The following LSAMP variants were observed in gnomAD, a reference collection of about 807,000 sequenced individuals.
LSAMP encodes limbic system associated membrane protein, also known as limbic system-associated membrane protein.
A neutral mutation model predicts 38.6 loss-of-function variants in LSAMP; 7 were observed. The ratio of observed to expected loss-of-function variants is 0.18; its 90% CI spans 0.10 to 0.34. LSAMP has a LOEUF of 0.34. Among genes scored for constraint, LSAMP ranks in the 10% least tolerant of loss-of-function variants. The probability of loss-of-function intolerance (pLI) is 1.00; values close to 1 mark genes in which losing one functional copy is unlikely to be tolerated. For synonymous variants in LSAMP, 154 were observed against 166.8 expected (o/e 0.92, Z 0.59); for missense variants, 313 against 420.0 (o/e 0.75, Z 2.23).
At chr3:116,251,871 T>G (rs1273068033) in intron 1 of LSAMP, among the ~76,000 whole-genome samples, 1 of 152,230 alleles carries the variant, frequency 6.6e-6, no homozygotes, top group Non-Finnish European at 1.5e-5. Context: ...AATTATTTGT[T>G]AAGACTTAAG....
chr3:116,232,699 C>CTTTTTCTTT (rs2046416053), intron 1 of LSAMP, among the ~76,000 whole-genome samples: 1 of 99,448 alleles, frequency 1.0e-5, no homozygotes, highest in Admixed American at 1.3e-4. Flanking sequence ...TTCTTTCTTT[C>CTTTTTCTTT]TTTTTTTTTT....
At chr3:116,391,201 C>T (rs1189476152) in intron 1 of LSAMP, among the ~76,000 whole-genome samples, 1 of 151,950 alleles carries the variant, frequency 6.6e-6, no homozygotes, top group Non-Finnish European at 1.5e-5. Flanking sequence ...ATGTCAGCAG[C>T]GGACCGTCTG....
intron 6 of LSAMP, among the ~76,000 whole-genome samples, chr3:115,827,320 C>T (rs528219161): frequency 9.1e-5 from 13 of 142,460 alleles, no homozygotes; most frequent in East Asian, 4.3e-4. Context: ...GGCCAAGGCA[C>T]GGTTATTTTC....
At chr3:116,172,118 A>G (rs9844188) in intron 1 of LSAMP, among the ~76,000 whole-genome samples, 81,027 of 151,668 alleles carry the variant, frequency 0.53, 23,026 homozygotes, top group East Asian at 0.76. Flanking sequence ...ATAAATTTAT[A>G]TATTTAATAA....
intron 3 of LSAMP, among the ~76,000 whole-genome samples, chr3:115,860,135 G>A (rs1445146381): frequency 6.6e-6 from 1 of 152,244 alleles, no homozygotes; most frequent in Non-Finnish European, 1.5e-5. Flanking sequence ...TAGAGTGAGT[G>A]TTGTATGAGC....
At chr3:116,172,753 A>G (rs74693555) in intron 1 of LSAMP, among the ~76,000 whole-genome samples, 5 of 152,132 alleles carry the variant, frequency 3.3e-5, no homozygotes, top group African/African-American at 1.2e-4. Context: ...CTCAAGAAGG[A>G]CTGCTTTCAG....
chr3:116,067,598 C>T (rs576898190), intron 2 of LSAMP, among the ~76,000 whole-genome samples: 1 of 152,330 alleles, frequency 6.6e-6, no homozygotes, highest in South Asian at 2.1e-4. Flanking sequence ...CTGGTTGTTG[C>T]TGCCCCATCA....
intron 3 of LSAMP, among the ~76,000 whole-genome samples, chr3:115,937,707 C>T (rs1209803723): frequency 6.6e-6 from 1 of 151,774 alleles, no homozygotes; most frequent in African/African-American, 2.4e-5. Flanking sequence ...AGTGGTTCAT[C>T]TCTTTACACA....
chr3:116,418,494 T>C (rs2049080007), intron 1 of LSAMP, among the ~76,000 whole-genome samples: 1 of 152,238 alleles, frequency 6.6e-6, no homozygotes, highest in South Asian at 2.1e-4. Flanking sequence ...CTCATGTTTT[T>C]TTTTAAATTT....
intron 3 of LSAMP, among the ~76,000 whole-genome samples, chr3:115,988,884 A>G (rs943054384): frequency 3.3e-5 from 5 of 152,066 alleles, no homozygotes; most frequent in Admixed American, 1.3e-4. Flanking sequence ...TTGTTATGAC[A>G]GTCTTAACAT....
At chr3:116,427,447 T>C (rs113909367) in intron 1 of LSAMP, among the ~76,000 whole-genome samples, 3 of 152,190 alleles carry the variant, frequency 2.0e-5, no homozygotes, top group Non-Finnish European at 4.4e-5. Context: ...ATTAAACATG[T>C]CCATAGAAAC....
intron 4 of LSAMP, among the ~76,000 whole-genome samples, chr3:115,847,359 T>C (rs1935192758): frequency 6.6e-6 from 1 of 152,230 alleles, no homozygotes; most frequent in South Asian, 2.1e-4. Flanking sequence ...ATAATAAAAC[T>C]GATTTAGAAT....
intron 1 of LSAMP, among the ~76,000 whole-genome samples, chr3:116,394,236 C>T (rs2048739988): frequency 6.6e-6 from 1 of 152,102 alleles, no homozygotes. Flanking sequence ...CAAACTCAAC[C>T]TTATGGATAT....
intron 2 of LSAMP, among the ~76,000 whole-genome samples, chr3:116,063,486 C>A (rs2107360838): frequency 6.6e-6 from 1 of 152,236 alleles, no homozygotes; most frequent in South Asian, 2.1e-4. Flanking sequence ...AGCTGTATAT[C>A]CTACTTTCAG....
At chr3:116,220,955 C>A (rs1309526706) in intron 1 of LSAMP, among the ~76,000 whole-genome samples, 1 of 151,958 alleles carries the variant, frequency 6.6e-6, no homozygotes, top group Non-Finnish European at 1.5e-5. Flanking sequence ...GAGATCGAGA[C>A]CATCCTGGCT....
chr3:116,054,870 C>T (rs1448709135), intron 2 of LSAMP, among the ~76,000 whole-genome samples: 7 of 152,104 alleles, frequency 4.6e-5, no homozygotes, highest in African/African-American at 1.7e-4. Flanking sequence ...TTGGGGTACT[C>T]ATTTCTAGGG....
At chr3:116,200,120 AC>A (rs2045970139) in intron 1 of LSAMP, among the ~76,000 whole-genome samples, 5 of 151,264 alleles carry the variant, frequency 3.3e-5, no homozygotes, top group Non-Finnish European at 7.4e-5. Context: ...ACACACACAC[AC>A]ACACACAGCT....
Position 116,441,732 on chromosome 3 carries a change from A to G in LSAMP, c.155+3145T>C, listed in dbSNP as rs2049438405. 1.3e-5 allele frequency among the ~76,000 whole-genome samples: 2 copies of G among 152,170 alleles called. 1 individual carries two copies. The highest frequency in any genetic ancestry group is 4.1e-4 in the South Asian group (2 of 4,834). ...TGAGGCAGGTAGACTCTGTTTAGAA[A>G]AGCACCTGAGGCAGCTTCATGACTG... On this transcript the variant is annotated intron_variant, in intron 1 of 6. Coordinates refer to ENST00000490035, the MANE Select transcript of LSAMP (RefSeq NM_002338.5).
chr3:116,429,303 A>C (rs1035700220), intron 1 of LSAMP, among the ~76,000 whole-genome samples: 2 of 152,248 alleles, frequency 1.3e-5, no homozygotes, highest in Admixed American at 6.5e-5. Context: ...CCATGCATAC[A>C]AATAGTAAGA....
Sources: allele counts gnomAD v4.1 joint callset (sites outside exome capture counted in the v4.1 genomes callset), GRCh38; gene constraint gnomAD v4.1.1; transcripts MANE v1.5; gene names NCBI Gene and HGNC (gene_info 2026-07-23, HGNC 2026-07-21).